DNAH3: variants seen among roughly 807,000 people sequenced by gnomAD.
DNAH3 encodes the protein axonemal beta dynein heavy chain 3.
Under a neutral mutation model 432.5 loss-of-function variants are expected in DNAH3, and 332 were observed. That is an observed-to-expected ratio of 0.77 (90% CI 0.70 to 0.84). The LOEUF is 0.84. Ranked by LOEUF, DNAH3 falls within the 40% of genes least tolerant of loss-of-function variation. DNAH3 has a pLI of 0.00. For missense variants in DNAH3, 4,861 were observed against 5,114.0 expected (o/e 0.95, Z 1.51); for synonymous variants, 1,956 against 1,900.2 (o/e 1.03, Z -0.76).
At chr16:21,001,453 C>A (rs2087014434) in intron 42 of DNAH3, among the ~76,000 whole-genome samples, 1 of 152,128 alleles carries the variant, frequency 6.6e-6, no homozygotes, top group South Asian at 2.1e-4. Flanking sequence ...GTCAATGGTG[C>A]CTTCTAAAGC....
chr16:21,041,829 T>A (rs1221522791), intron 32 of DNAH3, among the ~76,000 whole-genome samples, 198 bp downstream of exon 32: 1 of 152,140 alleles, frequency 6.6e-6, no homozygotes, highest in Non-Finnish European at 1.5e-5. Flanking sequence ...CATGCCACCA[T>A]GCCCGGCTAA....
chr16:21,077,813 T>C (rs2091027545), intron 20 of DNAH3, among the ~76,000 whole-genome samples: 1 of 152,134 alleles, frequency 6.6e-6, no homozygotes, highest in African/African-American at 2.4e-5. Context: ...TATTTACTCA[T>C]AGGTCAGGAA....
intron 16 of DNAH3, among the ~76,000 whole-genome samples, chr16:21,103,549 C>T (rs751244134): frequency 2.0e-5 from 3 of 152,164 alleles, no homozygotes; most frequent in African/African-American, 7.2e-5. Flanking sequence ...TACACACACA[C>T]TCACAAACAC....
exon 29 of DNAH3, chr16:21,051,671 T>C (rs767605047): frequency 6.2e-7 from 1 of 1,612,888 alleles, no homozygotes; most frequent in South Asian, 1.1e-5. Context: ...AGAGTGTACC[T>C]GTAGCAGCGG....
chr16:20,963,191 G>C, intron 53 of DNAH3, 93 bp downstream of exon 53: 1 of 1,278,576 alleles, frequency 7.8e-7, no homozygotes, highest in East Asian at 2.4e-5. Flanking sequence ...AAAGCCATCT[G>C]AACTTGAGAT....
At position 21,145,169 on chromosome 16, in the gene DNAH3, T is replaced by C. The variant is rs377681625; in HGVS notation, c.448+12A>G. Reference sequence around the variant, plus strand: ...GCCCCATTCTGCAAGGGTGTGACACTGCCACAAGTACCTGATGATGGCAGC... The same window carrying C: ...GCCCCATTCTGCAAGGGTGTGACACCGCCACAAGTACCTGATGATGGCAGC... On this transcript the variant is annotated intron_variant, in intron 3 of 61. Transcript: ENST00000261383. 3.1e-6 allele frequency: 5 copies of C among 1,603,690 alleles called. No homozygotes were observed. The highest frequency in any genetic ancestry group is 4.3e-6 in the Non-Finnish European group (5 of 1,173,748).
At chr16:21,046,593 G>A (rs2089708797) in intron 31 of DNAH3, among the ~76,000 whole-genome samples, 2 of 152,036 alleles carry the variant, frequency 1.3e-5, no homozygotes, top group African/African-American at 4.8e-5. Flanking sequence ...TGGGTTTCCT[G>A]AATACAGCAC....
intron 44 of DNAH3, among the ~76,000 whole-genome samples, chr16:20,988,675 T>G (rs1439288333): frequency 6.6e-6 from 1 of 152,206 alleles, no homozygotes; most frequent in African/African-American, 2.4e-5. Context: ...CAGGAATACT[T>G]TTGTTGAAAG....
intron 21 of DNAH3, 55 bp downstream of exon 21, chr16:21,075,392 T>C (rs2090936978): frequency 3.4e-6 from 4 of 1,172,572 alleles, no homozygotes; most frequent in Non-Finnish European, 5.1e-6. Flanking sequence ...CTGTAATCTA[T>C]TGCATAATAA....
chr16:20,985,735 C>A lies in DNAH3; in HGVS notation c.7027-20G>T. The A allele has an allele frequency of 6.2e-7, 1 of 1,602,750 alleles. No homozygotes were observed. The highest frequency in any genetic ancestry group is 1.1e-5 in the South Asian group (1 of 89,310). ...AAGCACCTGTAAGAAAAGTAAATCT[C>A]GGCGGGGCATTCAGTGAATGGCCCA... On this transcript the variant is annotated intron_variant, in intron 47 of 61. Coordinates refer to ENST00000261383, the Ensembl canonical transcript of DNAH3.
intron 35 of DNAH3, among the ~76,000 whole-genome samples, chr16:21,035,135 T>A (rs1241143600): frequency 1.3e-5 from 2 of 152,128 alleles, no homozygotes; most frequent in African/African-American, 4.8e-5. Flanking sequence ...GAGACCAGCC[T>A]GGCCAACATG....
In DNAH3 at chr16:20,985,223, T is replaced by C. The variant is rs369334486; in HGVS notation, c.7519A>G (p.Met2507Val). Residue 2507 changes from methionine to valine, a missense_variant, in exon 48 of 62, where the codon ATG becomes GTG. Met to Val is a conservative substitution (Grantham distance 21). Transcript: ENST00000261383. ...GGCACGTCACCTGTGTTCAGAAGCATGTTGATGTCCTCCACGAATGATTCA... is the reference window on the plus strand; with the variant it reads ...GGCACGTCACCTGTGTTCAGAAGCACGTTGATGTCCTCCACGAATGATTCA... The C allele has an allele frequency of 6.2e-6, 10 of 1,614,174 alleles. No individual in the cohort carries two copies. The highest frequency in any genetic ancestry group is 5.0e-5 in the Admixed American group (3 of 60,018).
exon 19 of DNAH3, chr16:21,087,056 G>A (rs746424791): frequency 1.5e-5 from 25 of 1,613,188 alleles, no homozygotes; most frequent in Non-Finnish European, 1.8e-5. Context: ...GTAAGAAGAG[G>A]GGTCCTGAAA....
intron 51 of DNAH3, among the ~76,000 whole-genome samples, chr16:20,972,577 T>C (rs2085390486): frequency 6.6e-6 from 1 of 151,946 alleles, no homozygotes; most frequent in African/African-American, 2.4e-5. Flanking sequence ...GTGTCTATTC[T>C]ACCAGGACTA....
chr16:20,956,966 G>C (rs186074951), intron 54 of DNAH3, among the ~76,000 whole-genome samples: 27 of 152,162 alleles, frequency 1.8e-4, no homozygotes, highest in Admixed American at 9.2e-4. Flanking sequence ...CATGTGATCC[G>C]CCTGCCTTGA....
chr16:21,081,507 T>C (rs1671172811), intron 20 of DNAH3, 129 bp downstream of exon 20: 10 of 619,592 alleles, frequency 1.6e-5, no homozygotes, highest in South Asian at 1.4e-4. Flanking sequence ...GGTAATTAAA[T>C]AGCCTTAAGC....
At chr16:21,030,072 T>C (rs1201307772) in intron 37 of DNAH3, among the ~76,000 whole-genome samples, 1 of 152,156 alleles carries the variant, frequency 6.6e-6, no homozygotes, top group Non-Finnish European at 1.5e-5. Context: ...GCAATCCTCC[T>C]GTCTCAGCCT....
intron 54 of DNAH3, among the ~76,000 whole-genome samples, 198 bp from the exon 55 acceptor site, chr16:20,955,255 C>T (rs1346994635): frequency 6.6e-6 from 1 of 151,736 alleles, no homozygotes; most frequent in Non-Finnish European, 1.5e-5. Context: ...TAAATACTAC[C>T]AGAGCCAAAA....
intron 21 of DNAH3, among the ~76,000 whole-genome samples, chr16:21,074,410 C>T (rs772934535): frequency 2.0e-5 from 3 of 152,228 alleles, no homozygotes; most frequent in Middle Eastern, 3.4e-3. Context: ...TTTGGAAGCA[C>T]TGCTTTAGGA....
Sources: allele counts gnomAD v4.1 joint callset (sites outside exome capture counted in the v4.1 genomes callset), GRCh38; gene constraint gnomAD v4.1.1; transcripts MANE v1.5; gene names NCBI Gene and HGNC (gene_info 2026-07-23, HGNC 2026-07-21).